The following ABI3BP variants were observed in gnomAD, a reference collection of about 807,000 sequenced individuals.
The protein encoded by ABI3BP is target of Nesh-SH3.
Under a neutral mutation model 268.6 loss-of-function variants are expected in ABI3BP, and 216 were observed. The ratio of observed to expected loss-of-function variants is 0.80; its 90% CI spans 0.72 to 0.90. The LOEUF (loss-of-function observed/expected upper bound fraction) is 0.90. Ranked by LOEUF, ABI3BP falls within the 40% of genes least tolerant of loss-of-function variation. The pLI is 0.00. For synonymous variants in ABI3BP, 730 were observed against 730.0 expected, an observed-to-expected ratio of 1.00 and a Z score of 0.00; for missense variants, 2,090 against 2,182.4, an observed-to-expected ratio of 0.96 and a Z score of 0.84.
At chr3:100,972,178 G>T (rs901646879) in intron 1 of ABI3BP, among the ~76,000 whole-genome samples, 2 of 152,092 alleles carry the variant, frequency 1.3e-5, no homozygotes, top group Non-Finnish European at 2.9e-5. Flanking sequence ...TTATATTTTA[G>T]AAATAAAACT....
chr3:100,985,759 T>G (rs567304698), intron 1 of ABI3BP, among the ~76,000 whole-genome samples: 1 of 152,344 alleles, frequency 6.6e-6, no homozygotes, highest in South Asian at 2.1e-4. Context: ...TCTCAGAGAT[T>G]TCTTATAATT....
At chr3:100,937,610 G>T (rs775561597) in intron 1 of ABI3BP, among the ~76,000 whole-genome samples, 42 of 152,042 alleles carry the variant, frequency 2.8e-4, no homozygotes, top group Non-Finnish European at 4.9e-4. Flanking sequence ...CGGATGGAAG[G>T]TCATTCAAGC....
chr3:100,873,269 T>TA (rs2099127178), intron 9 of ABI3BP, among the ~76,000 whole-genome samples: 1 of 152,214 alleles, frequency 6.6e-6, no homozygotes, highest in South Asian at 2.1e-4. Context: ...CAGGTTTTTT[T>TA]AAAAAATTAA....
intron 1 of ABI3BP, among the ~76,000 whole-genome samples, chr3:100,949,382 A>G (rs190954028): frequency 6.6e-6 from 1 of 152,266 alleles, no homozygotes; most frequent in Non-Finnish European, 1.5e-5. Flanking sequence ...CAGTCTCCCA[A>G]GTAGCTAGGA....
intron 62 of ABI3BP, among the ~76,000 whole-genome samples, chr3:100,767,449 T>C (rs561583319): frequency 1.3e-5 from 2 of 152,084 alleles, no homozygotes; most frequent in Non-Finnish European, 2.9e-5. Flanking sequence ...CAAAACTATC[T>C]CTCAGCTGGC....
intron 4 of ABI3BP, among the ~76,000 whole-genome samples, chr3:100,889,333 A>G (rs556153159): frequency 6.6e-6 from 1 of 152,274 alleles, no homozygotes; most frequent in East Asian, 1.9e-4. Context: ...CTGACTCCTA[A>G]TCTAATGCCT....
Position 100,920,104 on chromosome 3 carries a change from T to A in ABI3BP, c.259+6198A>T, listed in dbSNP as rs560790208. On this transcript the variant is annotated intron_variant, in intron 2 of 67. Transcript: ENST00000471714. ...CATACTTGGGTATGATAGATGGGCA[T>A]GGCTGCCTTTCAGTGACTAACAGCT... is the stretch of plus-strand genomic sequence containing the variant. 5.3e-5 allele frequency among the ~76,000 whole-genome samples: 8 copies of A among 152,358 alleles called. No homozygotes were observed. The East Asian group carries it at 1.5e-3, about 29-fold the overall frequency.
At chr3:100,830,923 C>T (rs1218433596) in intron 31 of ABI3BP, among the ~76,000 whole-genome samples, 3 of 152,060 alleles carry the variant, frequency 2.0e-5, no homozygotes, top group Non-Finnish European at 4.4e-5. Flanking sequence ...CGAATGAACA[C>T]TAGAAAATCT....
At chr3:100,813,556 G>A (rs941620346) in intron 45 of ABI3BP, 105 bp downstream of exon 45, 4 of 845,736 alleles carry the variant, frequency 4.7e-6, no homozygotes, top group Non-Finnish European at 5.5e-6. Context: ...AGTTATTAAT[G>A]TATATTCCTT....
In ABI3BP at chr3:100,839,593, G is replaced by T. The variant is rs796092931; in HGVS notation, c.1921C>A (p.Pro641Thr). ...KPALEPATIQ[P>T]EPLVPTTASK... ...CCAGTTGTGGGCACCAAGGGCTCCG[G>T]TTGTATCGTGGCAGGTTCCAGAGCT... The change falls in exon 24 of 68, where the codon CCG becomes ACG. Residue 641 changes from proline to threonine, a missense_variant. Pro to Thr is a conservative substitution (Grantham distance 38). Coordinates refer to ENST00000471714, the MANE Select transcript of ABI3BP (RefSeq NM_001375547.2). 1 of 1,535,760 alleles carries T rather than the reference G, an allele frequency of 6.5e-7. No homozygotes were observed. Among genetic ancestry groups the T allele is most frequent in the Non-Finnish European group, 8.7e-7 (1 of 1,146,686 alleles).
chr3:100,983,863 A>G (rs2090663602), intron 1 of ABI3BP, among the ~76,000 whole-genome samples: 1 of 152,218 alleles, frequency 6.6e-6, no homozygotes. Context: ...GCTCATCTCA[A>G]TTTTACACAT....
chr3:100,749,810 T>G lies in ABI3BP; in HGVS notation c.*685A>C. 1 of 397,720 alleles carries G rather than the reference T, an allele frequency of 2.5e-6. No homozygotes were observed. Among genetic ancestry groups the G allele is most frequent in the East Asian group, 3.6e-5 (1 of 27,940 alleles). The allele number at this position is 397,720 out of a possible 1,614,324, so 24.6% of individuals were successfully genotyped here. A position where few individuals can be genotyped will look rare whatever the true frequency, so the allele number is the denominator to read the frequency against. Reference sequence around the variant, plus strand: ...GTAACATTTATGGTGGGTAAAAATGTATCTTTTGAAACAATATATTAGACT... The same window carrying G: ...GTAACATTTATGGTGGGTAAAAATGGATCTTTTGAAACAATATATTAGACT... On this transcript the variant is annotated 3_prime_UTR_variant, in exon 68 of 68. Transcript: ENST00000471714.
rs1473929197 is a variant in ABI3BP at position 100,850,709 on chromosome 3, A to G, written c.1377T>C (p.Ser459=). The change falls in exon 16 of 68, where the codon TCT becomes TCC. Residue 459 remains serine, a synonymous_variant. Coordinates refer to ENST00000471714, the MANE Select transcript of ABI3BP (RefSeq NM_001375547.2). ...GAGTTCTAGAAGTTTTAGGTGGGAT[A>G]GAATCCAGAATACGATCACTTGTTG... ...YTATSDRILD[S]IPPKTSRTLE... is the part of the protein sequence containing the mutation. 6.2e-7 allele frequency: 1 copy of G among 1,613,132 alleles called. No individual in the cohort carries two copies. The highest frequency in any genetic ancestry group is 1.3e-5 in the African/African-American group (1 of 74,900).
intron 55 of ABI3BP, 36 bp from the exon 56 acceptor site, chr3:100,789,552 C>T (rs774058004): frequency 1.2e-5 from 18 of 1,555,476 alleles, no homozygotes; most frequent in South Asian, 2.4e-5. Flanking sequence ...TAATAACCAA[C>T]AGACCAAAGC....
chr3:100,845,406 C>T (rs1056722145), intron 20 of ABI3BP, among the ~76,000 whole-genome samples: 15 of 152,162 alleles, frequency 9.9e-5, no homozygotes, highest in Non-Finnish European at 1.9e-4. Context: ...CTTCCGTCTG[C>T]ACCTACACCT....
At chr3:100,831,569 C>T (rs904228251) in intron 31 of ABI3BP, among the ~76,000 whole-genome samples, 1 of 152,058 alleles carries the variant, frequency 6.6e-6, no homozygotes, top group Non-Finnish European at 1.5e-5. Context: ...ATCATTGAAG[C>T]CCCCTAGATC....
intron 1 of ABI3BP, among the ~76,000 whole-genome samples, chr3:100,949,832 C>A (rs1371666980): frequency 6.6e-6 from 1 of 152,134 alleles, no homozygotes; most frequent in Non-Finnish European, 1.5e-5. Flanking sequence ...TATAGTGGAA[C>A]ATAATGGGCC....
At chr3:100,797,563 T>G (rs1404677232) in intron 51 of ABI3BP, among the ~76,000 whole-genome samples, 2 of 64,164 alleles carry the variant, frequency 3.1e-5, no homozygotes, top group African/African-American at 1.3e-4. Context: ...GAAGAAACTG[T>G]TTTTTTTTTT....
intron 9 of ABI3BP, among the ~76,000 whole-genome samples, chr3:100,868,684 T>A (rs927454219): frequency 3.3e-5 from 5 of 152,370 alleles, no homozygotes; most frequent in Admixed American, 1.3e-4. Context: ...CCACTAAGTG[T>A]CATAAATGAT....
Sources: gnomAD v4.1 joint callset for allele counts (sites outside exome capture counted in the v4.1 genomes callset) on GRCh38, gnomAD v4.1.1 for gene constraint, MANE v1.5 for transcripts, NCBI Gene and HGNC (gene_info 2026-07-23, HGNC 2026-07-21) for gene names.